The following SLC16A2 variants were observed in gnomAD, a reference collection of about 807,000 sequenced individuals.
SLC16A2 encodes the protein monocarboxylate transporter 8.
In SLC16A2, 3 loss-of-function variants were observed where a neutral mutation model predicts 27.2. The ratio of observed to expected loss-of-function variants is 0.11; its 90% CI spans 0.05 to 0.28. The LOEUF is 0.28. Ranked by LOEUF, SLC16A2 falls within the 10% of genes least tolerant of loss-of-function variation. SLC16A2 has a pLI of 1.00. For missense variants in SLC16A2, 295 were observed against 458.5 expected (o/e 0.64, Z 3.26); for synonymous variants, 202 against 187.8 (o/e 1.08, Z -0.62).
Position 74,474,727 on chromosome X carries a change from G to A in SLC16A2, c.431-46263G>A, listed in dbSNP as rs746328414. On this transcript the variant is annotated intron_variant, in intron 1 of 5. Transcript: ENST00000587091. ...TCCCACCTACGAGTGAGAACATGCC[G>A]TGTTTGGTTTTTTGTCCTTGCGATA... is the stretch of plus-strand genomic sequence containing the variant. 5.2e-4 allele frequency among the ~76,000 whole-genome samples: 57 copies of A among 110,499 alleles called. No individual in the cohort carries two copies. The South Asian group carries it at 0.019, about 36-fold the overall frequency.
chrX:74,531,548 A>G lies in SLC16A2; in HGVS notation c.1615A>G (p.Ile539Val). ...LPGSPNPEEP[I>V] ...GGGCTCCCCCAACCCTGAGGAACCA[A>G]TCTAATGCCTTTCTTGCCATTGTGT... The change falls in exon 6 of 6, where the codon ATC becomes GTC. Residue 539 changes from isoleucine (I) to valine (V), a missense_variant. This residue lies in a region of SLC16A2 where 144 missense variants were observed against 219.8 expected (regional missense o/e 0.66). Transcript: ENST00000587091. 1 of 1,192,194 alleles carries G rather than the reference A, an allele frequency of 8.4e-7. No individual in the cohort carries two copies. Among genetic ancestry groups the G allele is most frequent in the Admixed American group, 2.2e-5 (1 of 46,035 alleles).
At chrX:74,453,579 A>T (rs1490019784) in intron 1 of SLC16A2, among the ~76,000 whole-genome samples, 1 of 110,126 alleles carries the variant, frequency 9.1e-6, no homozygotes, top group Non-Finnish European at 1.9e-5. Flanking sequence ...TTTTTTATTT[A>T]TTTATTTATT....
chrX:74,432,758 C>T (rs563517747), intron 1 of SLC16A2, among the ~76,000 whole-genome samples: 4 of 111,722 alleles, frequency 3.6e-5, no homozygotes, highest in East Asian at 2.8e-4. Context: ...GGGGAATAAG[C>T]GGTAGGCTGC....
At chrX:74,523,573 C>T (rs1308225145) in intron 2 of SLC16A2, among the ~76,000 whole-genome samples, 1 of 111,870 alleles carries the variant, frequency 8.9e-6, no homozygotes, top group Non-Finnish European at 1.9e-5. Context: ...ACAGCAGGGC[C>T]TATGAGTTTT....
At chrX:74,448,926 A>C (rs1407772127) in intron 1 of SLC16A2, among the ~76,000 whole-genome samples, 1 of 111,142 alleles carries the variant, frequency 9.0e-6, no homozygotes, top group African/African-American at 3.3e-5. Context: ...AGCCCCTGAG[A>C]GTTGTTCCTT....
intron 1 of SLC16A2, among the ~76,000 whole-genome samples, chrX:74,490,207 G>A (rs1395435684): frequency 9.0e-6 from 1 of 110,955 alleles, no homozygotes; most frequent in East Asian, 2.8e-4. Context: ...GTTGACCTTG[G>A]GGTTCTTTTT....
chrX:74,438,993 G>A (rs1394712356), intron 1 of SLC16A2, among the ~76,000 whole-genome samples: 1 of 111,139 alleles, frequency 9.0e-6, no homozygotes, highest in Non-Finnish European at 1.9e-5. Context: ...TTTTCAAAAC[G>A]TAGTTAATCC....
chrX:74,525,525 C>T (rs933969482), intron 3 of SLC16A2, among the ~76,000 whole-genome samples: 12 of 111,403 alleles, frequency 1.1e-4, no homozygotes, highest in African/African-American at 3.9e-4. Flanking sequence ...TTAGAAGGGG[C>T]GTGGAGGTAC....
At chrX:74,483,762 T>C (rs1194569413) in intron 1 of SLC16A2, among the ~76,000 whole-genome samples, 1 of 111,161 alleles carries the variant, frequency 9.0e-6, no homozygotes, top group Non-Finnish European at 1.9e-5. Context: ...TCTCAACTTG[T>C]TTTTTTCTAG....
chrX:74,474,959 T>G lies in SLC16A2; in HGVS notation c.431-46031T>G, dbSNP rs765020241. On this transcript the variant is annotated intron_variant, in intron 1 of 5. Transcript: ENST00000587091. ...AACCATACGTGTGCATGTGTCTTTA[T>G]AGCAGCATGATTTATAATCCTTTGG... Among the ~76,000 whole-genome samples the G allele has an allele frequency of 9.7e-4, 108 of 111,417 alleles. 1 individual carries two copies. The highest frequency in any genetic ancestry group is 3.2e-3 in the African/African-American group (98 of 30,573).
At chrX:74,491,548 A>T (rs1413709130) in intron 1 of SLC16A2, among the ~76,000 whole-genome samples, 1 of 112,072 alleles carries the variant, frequency 8.9e-6, no homozygotes, top group Non-Finnish European at 1.9e-5. Flanking sequence ...TGTTAATACC[A>T]GAGAGGTATA....
chrX:74,440,999 T>C (rs928626712), intron 1 of SLC16A2, among the ~76,000 whole-genome samples: 4 of 110,456 alleles, frequency 3.6e-5, no homozygotes, highest in African/African-American at 6.6e-5. Context: ...AGGGAGTCTG[T>C]CTCTGTCGCC....
intron 1 of SLC16A2, among the ~76,000 whole-genome samples, chrX:74,516,564 A>G (rs1930320751): frequency 9.0e-6 from 1 of 111,476 alleles, no homozygotes; most frequent in South Asian, 3.8e-4. Context: ...ATGTGATACC[A>G]TTATATATAT....
In SLC16A2 at chrX:74,436,741, G is replaced by C. The variant is rs572809215; in HGVS notation, c.430+14674G>C. Among the ~76,000 whole-genome samples the C allele has an allele frequency of 9.9e-5, 11 of 111,474 alleles. No individual in the cohort carries two copies. The South Asian group carries it at 4.2e-3, about 43-fold the overall frequency. On this transcript the variant is annotated intron_variant, in intron 1 of 5. Transcript: ENST00000587091. ...GAGAGCAAATATGACCCCCAAGTGA[G>C]CCCAAAGGAGCTCAGTATTACCCAG...
intron 1 of SLC16A2, among the ~76,000 whole-genome samples, chrX:74,478,211 T>C (rs892262950): frequency 1.8e-5 from 2 of 112,137 alleles, no homozygotes; most frequent in African/African-American, 6.5e-5. Flanking sequence ...TTAGCTCTTC[T>C]TGTTGAATTG....
At position 74,460,296 on chromosome X, in the gene SLC16A2, C is replaced by T. The variant is rs747886517; in HGVS notation, c.430+38229C>T. ...GGGAGACACAGAAATCCTCTGATTG[C>T]CAACTGACCACCAACTGACCTTGGT... On this transcript the variant is annotated intron_variant, in intron 1 of 5. Transcript: ENST00000587091. 5.4e-5 allele frequency among the ~76,000 whole-genome samples: 6 copies of T among 111,548 alleles called. 1 individual carries two copies. The South Asian group carries it at 2.3e-3, about 42-fold the overall frequency.
intron 1 of SLC16A2, among the ~76,000 whole-genome samples, chrX:74,440,482 A>C (rs1928722269): frequency 1.9e-5 from 2 of 104,855 alleles, no homozygotes; most frequent in Non-Finnish European, 3.9e-5. Context: ...CAGCCTTTTC[A>C]GCCTTGGGAC....
rs1246302763 is a variant in SLC16A2 at position 74,529,380 on chromosome X, G to A, written c.1338G>A (p.Gln446=). 1 of 1,201,162 alleles carries A rather than the reference G, an allele frequency of 8.3e-7. No individual in the cohort carries two copies. Among genetic ancestry groups the A allele is most frequent in the Non-Finnish European group, 1.1e-6 (1 of 889,557 alleles). The part of the protein sequence containing the change: ...FELVGPMQAS[Q]AIGYLLGMMA... ...TGGTGGGCCCAATGCAGGCCTCACA[G>A]GCCATTGGCTACCTCCTGGGCATGA... is the stretch of plus-strand genomic sequence containing the variant. Residue 446 remains glutamine, a synonymous_variant, in exon 5 of 6, where the codon CAG becomes CAA. Transcript: ENST00000587091.
intron 1 of SLC16A2, among the ~76,000 whole-genome samples, chrX:74,450,639 A>G (rs1457472922): frequency 8.9e-6 from 1 of 111,849 alleles, no homozygotes; most frequent in African/African-American, 3.3e-5. Flanking sequence ...GACCAAGCCA[A>G]TATCAGAGAA....
Sources: allele counts gnomAD v4.1 joint callset (sites outside exome capture counted in the v4.1 genomes callset), GRCh38; gene constraint gnomAD v4.1.1; regional missense constraint gnomAD v4.1.1; transcripts MANE v1.5; gene names NCBI Gene and HGNC (gene_info 2026-07-23, HGNC 2026-07-21).